Variants in CACNA2D4 observed in about 807,000 individuals in gnomAD.
CACNA2D4 encodes the protein calcium voltage-gated channel auxiliary subunit alpha2delta 4, also known as voltage-dependent calcium channel subunit alpha-2/delta-4.
A neutral mutation model predicts 163.8 loss-of-function variants in CACNA2D4; 157 were observed. That is an observed-to-expected ratio of 0.96 (90% CI 0.84 to 1.09). The LOEUF is 1.09. Among genes scored for constraint, CACNA2D4 ranks in the 50% least tolerant of loss-of-function variants. The pLI, the probability that CACNA2D4 is intolerant of heterozygous loss-of-function variation, is 0.00. For synonymous variants in CACNA2D4, 598 were observed against 586.9 expected, an observed-to-expected ratio of 1.02 and a Z score of -0.27; for missense variants, 1,410 against 1,479.9, an observed-to-expected ratio of 0.95 and a Z score of 0.78.
At chr12:1,877,594 G>A (rs1187382833) in intron 16 of CACNA2D4, among the ~76,000 whole-genome samples, 2 of 152,132 alleles carry the variant, frequency 1.3e-5, no homozygotes, top group Admixed American at 6.5e-5. Flanking sequence ...ATGACACCTG[G>A]GCAGATGAGG....
rs547450373 is a variant in CACNA2D4 at position 1,832,965 on chromosome 12, C to T, written c.2551+7774G>A. ...TTTGCATCCCCAGGCAGCACTGATA[C>T]GTGTTCCTGGGATGTGAGGTTTGCT... is the stretch of plus-strand genomic sequence containing the variant. On this transcript the variant is annotated intron_variant, in intron 26 of 37. Transcript: ENST00000382722. Among the ~76,000 whole-genome samples, 8 of 152,350 alleles carry T rather than the reference C, an allele frequency of 5.3e-5. No individual in the cohort carries two copies. The East Asian group carries it at 1.3e-3, about 26-fold the overall frequency.
intron 13 of CACNA2D4, among the ~76,000 whole-genome samples, chr12:1,881,004 C>G (rs79208794): frequency 0.077 from 11,663 of 152,170 alleles, 584 homozygotes; most frequent in Non-Finnish European, 0.1. Context: ...TTCTGGATAC[C>G]CTTGCAAGGG....
intron 22 of CACNA2D4, among the ~76,000 whole-genome samples, chr12:1,855,094 T>C (rs78118161): frequency 0.018 from 2,727 of 152,236 alleles, 88 homozygotes; most frequent in African/African-American, 0.057. Context: ...CAGCATCCTG[T>C]TCATGGCGCT....
In CACNA2D4 at chr12:1,886,319, G is replaced by A. The variant is rs187962821; in HGVS notation, c.897C>T (p.Ser299=). 160 of 1,613,702 alleles carry A rather than the reference G, an allele frequency of 9.9e-5. No individual in the cohort carries two copies. Among genetic ancestry groups the A allele is most frequent in the Middle Eastern group, 1.6e-4 (1 of 6,062 alleles). ...TCATCCTCAGCCCCTTCATACTGCC[G>A]CTCACGTCCACCAAAATCACTATGT... The part of the protein sequence containing the change: ...PKDIVILVDV[S]GSMKGLRMTI... Residue 299 remains serine, a synonymous_variant, in exon 8 of 38, where the codon AGC becomes AGT. Transcript: ENST00000382722.
At chr12:1,862,623 G>T (rs1865548910) in intron 18 of CACNA2D4, among the ~76,000 whole-genome samples, 1 of 152,148 alleles carries the variant, frequency 6.6e-6, no homozygotes, top group Admixed American at 6.5e-5. Flanking sequence ...ATGTTGGCCA[G>T]GCTGGTCTTG....
At chr12:1,876,009 G>A (rs1865873137) in intron 16 of CACNA2D4, among the ~76,000 whole-genome samples, 1 of 152,192 alleles carries the variant, frequency 6.6e-6, no homozygotes, top group Admixed American at 6.5e-5. Flanking sequence ...TGGCAGTTCA[G>A]GCGGAGATTT....
At position 1,868,933 on chromosome 12, in the gene CACNA2D4, T is replaced by C. The variant is rs530966495; in HGVS notation, c.1878+5671A>G. On this transcript the variant is annotated intron_variant, in intron 18 of 37. Transcript: ENST00000382722. ...GGTTTTATAAGTAATCTGGAGATGA[T>C]TTAACGTATTAGGGAAGACTGTGTA... Among the ~76,000 whole-genome samples, 3 of 152,300 alleles carry C rather than the reference T, an allele frequency of 2.0e-5. No homozygotes were observed. The South Asian group carries it at 6.2e-4, about 32-fold the overall frequency.
intron 26 of CACNA2D4, among the ~76,000 whole-genome samples, chr12:1,822,887 G>A (rs1477194184): frequency 2.6e-5 from 4 of 152,140 alleles, no homozygotes; most frequent in East Asian, 1.9e-4. Flanking sequence ...TCTTTGGCCC[G>A]GGGCTCTGGC....
In CACNA2D4 at chr12:1,829,833, C is replaced by G. The variant is rs889786637; in HGVS notation, c.2551+10906G>C. On this transcript the variant is annotated intron_variant, in intron 26 of 37. Transcript: ENST00000382722. This position sits in a 1 kb window ranked among gnomAD's most constrained non-coding sequence, Gnocchi z 4.2. ...CTGGGTGGAACTGACCTCGGCTGGG[C>G]TGACCTGGTGGGGCTGAACTATTTT... 2.0e-5 allele frequency among the ~76,000 whole-genome samples: 3 copies of G among 151,998 alleles called. No individual in the cohort carries two copies. The highest frequency in any genetic ancestry group is 4.4e-5 in the Non-Finnish European group (3 of 67,972).
chr12:1,871,611 G>A (rs949345357), intron 18 of CACNA2D4, among the ~76,000 whole-genome samples: 14 of 149,624 alleles, frequency 9.4e-5, no homozygotes, highest in African/African-American at 2.2e-4. Flanking sequence ...CATGTATGCC[G>A]CTCGTGTGTG....
chr12:1,874,585 G>A lies in CACNA2D4; in HGVS notation c.1878+19C>T. 6.4e-7 allele frequency: 1 copy of A among 1,571,720 alleles called. No individual in the cohort carries two copies. Among genetic ancestry groups the A allele is most frequent in the Non-Finnish European group, 8.8e-7 (1 of 1,141,594 alleles). ...AGATGCCTTCCTAGGCCATGCCCTGGCTGTTTCTAGCTCCTTACCCCTTTA... is the reference window on the plus strand; with the variant it reads ...AGATGCCTTCCTAGGCCATGCCCTGACTGTTTCTAGCTCCTTACCCCTTTA... On this transcript the variant is annotated intron_variant, in intron 18 of 37. Coordinates refer to ENST00000382722, the MANE Select transcript of CACNA2D4 (RefSeq NM_172364.5). This position sits in a 1 kb window ranked among gnomAD's most constrained non-coding sequence, Gnocchi z 4.4.
At chr12:1,821,449 C>T (rs1397417477) in intron 26 of CACNA2D4, among the ~76,000 whole-genome samples, 1 of 152,190 alleles carries the variant, frequency 6.6e-6, no homozygotes, top group African/African-American at 2.4e-5. Flanking sequence ...GAGGGTGAGG[C>T]TGGGAGTGGG....
At chr12:1,807,952 A>T (rs1054183486) in intron 29 of CACNA2D4, among the ~76,000 whole-genome samples, 1 of 152,236 alleles carries the variant, frequency 6.6e-6, no homozygotes, top group Non-Finnish European at 1.5e-5. Flanking sequence ...AAGGTAATAG[A>T]ATCATTGAGA....
Position 1,799,940 on chromosome 12 carries a change from G to A in CACNA2D4, c.2974+60C>T, listed in dbSNP as rs1021077976. 25 of 1,530,496 alleles carry A rather than the reference G, an allele frequency of 1.6e-5. No homozygotes were observed. The highest frequency in any genetic ancestry group is 4.7e-5 in the South Asian group (4 of 84,400). 94.8% of individuals were successfully genotyped at this position (1,530,496 alleles called of 1,614,324 possible). A position where few individuals can be genotyped will look rare whatever the true frequency, so the allele number is the denominator to read the frequency against. On this transcript the variant is annotated intron_variant, in intron 33 of 37. Transcript: ENST00000382722. This position sits in a 1 kb window ranked among gnomAD's most constrained non-coding sequence, Gnocchi z 4.7. ...CCCACCCCACAGGGAATGGTCTCAC[G>A]TTAGTGGACCAAAATGCCACTGCTC... is the stretch of plus-strand genomic sequence containing the variant.
chr12:1,885,956 G>A lies in CACNA2D4; in HGVS notation c.1068+9C>T. 6.2e-7 allele frequency: 1 copy of A among 1,606,490 alleles called. No homozygotes were observed. The highest frequency in any genetic ancestry group is 8.5e-7 in the Non-Finnish European group (1 of 1,174,042). ...GGCTTGGAAGTCTCAGGCCACCGTGGACACTCACCTCTCGATTGTCTCGGT... is the reference window on the plus strand; with the variant it reads ...GGCTTGGAAGTCTCAGGCCACCGTGAACACTCACCTCTCGATTGTCTCGGT... On this transcript the variant is annotated intron_variant, in intron 9 of 37. Transcript: ENST00000382722.
At chr12:1,890,932 T>A (rs7299904) in intron 6 of CACNA2D4, among the ~76,000 whole-genome samples, 5 of 152,022 alleles carry the variant, frequency 3.3e-5, no homozygotes, top group African/African-American at 1.2e-4. Flanking sequence ...TCCTGGGGAC[T>A]GAACTGCCCA....
intron 20 of CACNA2D4, among the ~76,000 whole-genome samples, chr12:1,858,018 G>T (rs1264573341): frequency 6.6e-6 from 1 of 152,206 alleles, no homozygotes. Context: ...AGCACCTGAG[G>T]CTCCTAGACC....
intron 23 of CACNA2D4, among the ~76,000 whole-genome samples, chr12:1,849,800 T>G (rs1865233529): frequency 6.6e-6 from 1 of 152,236 alleles, no homozygotes; most frequent in Non-Finnish European, 1.5e-5. Flanking sequence ...AAAGTAATTA[T>G]GAAAATATAT....
Position 1,886,988 on chromosome 12 carries a change from CT to C in CACNA2D4, c.842+20del, listed in dbSNP as rs1565730176. The stretch of plus-strand genomic sequence containing the variant: ...TGAGATAAATACCCGGGCCGCAAAC[CT>C]TTCCCCTGTGAGCTCTTACCAGCCG... On this transcript the variant is annotated intron_variant, in intron 7 of 37. Transcript: ENST00000382722. 1.3e-6 allele frequency: 2 copies of C among 1,565,464 alleles called. No homozygotes were observed. The highest frequency in any genetic ancestry group is 1.8e-5 in the Admixed American group (1 of 56,922).
Sources: gnomAD v4.1 joint callset for allele counts (sites outside exome capture counted in the v4.1 genomes callset) on GRCh38, gnomAD v4.1.1 for gene constraint, Gnocchi (gnomAD v3.1) non-coding constraint, MANE v1.5 for transcripts, NCBI Gene and HGNC (gene_info 2026-07-23, HGNC 2026-07-21) for gene names.